SLC1A2: variants seen among roughly 807,000 people sequenced by gnomAD.
The protein encoded by SLC1A2 is excitatory amino acid transporter 2.
In SLC1A2, 15 loss-of-function variants were observed where a neutral mutation model predicts 48.8. The ratio of observed to expected loss-of-function variants is 0.31; its 90% confidence interval spans 0.21 to 0.47. The LOEUF is 0.47. Ranked by LOEUF, SLC1A2 falls within the 20% of genes least tolerant of loss-of-function variation. The pLI is 0.99. For missense variants in SLC1A2, 502 were observed against 730.5 expected, an observed-to-expected ratio of 0.69 and a Z score of 3.61; for synonymous variants, 279 against 272.6, an observed-to-expected ratio of 1.02 and a Z score of -0.23.
chr11:35,308,071 A>C (rs1434027113), intron 4 of SLC1A2, among the ~76,000 whole-genome samples: 1 of 152,232 alleles, frequency 6.6e-6, no homozygotes, highest in African/African-American at 2.4e-5. Context: ...GCCAACTGTC[A>C]ACCTATCCTA....
intron 3 of SLC1A2, 122 bp from the exon 4 acceptor site, chr11:35,312,570 T>G: frequency 3.5e-6 from 4 of 1,137,680 alleles, no homozygotes; most frequent in Non-Finnish European, 5.0e-6. Context: ...TTAAATCTCC[T>G]ACTGTAGTCT....
intron 1 of SLC1A2, among the ~76,000 whole-genome samples, chr11:35,348,252 A>T (rs1199925401): frequency 6.6e-6 from 1 of 152,194 alleles, no homozygotes; most frequent in African/African-American, 2.4e-5. Context: ...GACATGTGGA[A>T]TGCAAGAGCC....
intron 10 of SLC1A2, among the ~76,000 whole-genome samples, chr11:35,261,370 G>T (rs964195281): frequency 3.3e-5 from 5 of 152,136 alleles, no homozygotes; most frequent in African/African-American, 7.2e-5. Context: ...CATGTGAAAG[G>T]TTCAGTTGCA....
At chr11:35,350,055 AG>A (rs1853189028) in intron 1 of SLC1A2, among the ~76,000 whole-genome samples, 1 of 152,132 alleles carries the variant, frequency 6.6e-6, no homozygotes, top group South Asian at 2.1e-4. Context: ...ATGAAATGAA[AG>A]CACTGTATGA....
chr11:35,344,468 A>G (rs1242077225), intron 1 of SLC1A2, among the ~76,000 whole-genome samples: 1 of 152,218 alleles, frequency 6.6e-6, no homozygotes, highest in Non-Finnish European at 1.5e-5. Context: ...TACACAGTGC[A>G]CAGGTCAAAT....
At chr11:35,310,926 T>C (rs891301875) in intron 4 of SLC1A2, among the ~76,000 whole-genome samples, 1 of 152,188 alleles carries the variant, frequency 6.6e-6, no homozygotes, top group East Asian at 1.9e-4. Context: ...TACATACTTT[T>C]GTAGTGCCAT....
chr11:35,300,659 G>A (rs775536269), intron 6 of SLC1A2, among the ~76,000 whole-genome samples: 1 of 152,156 alleles, frequency 6.6e-6, no homozygotes, highest in Admixed American at 6.6e-5. Context: ...CCAGTCTAAG[G>A]TATTTTGTTA....
intron 6 of SLC1A2, among the ~76,000 whole-genome samples, chr11:35,300,714 GC>G (rs1446092890): frequency 6.6e-6 from 1 of 152,174 alleles, no homozygotes; most frequent in Admixed American, 6.5e-5. Flanking sequence ...ACCCCAGAGA[GC>G]TTTCTGAATC....
intron 9 of SLC1A2, among the ~76,000 whole-genome samples, chr11:35,275,573 A>G (rs2134659891): frequency 6.6e-6 from 1 of 152,334 alleles, no homozygotes; most frequent in South Asian, 2.1e-4. Context: ...GGGCTCCAGA[A>G]TCTTGGTTTT....
At chr11:35,415,776 G>C (rs554991354) in intron 1 of SLC1A2, among the ~76,000 whole-genome samples, 1 of 152,142 alleles carries the variant, frequency 6.6e-6, no homozygotes, top group Admixed American at 6.5e-5. Context: ...TTGGCTCCTG[G>C]GAGCTGATCA....
At chr11:35,285,035 A>T (rs1451380157) in intron 8 of SLC1A2, among the ~76,000 whole-genome samples, 4 of 152,216 alleles carry the variant, frequency 2.6e-5, no homozygotes, top group Admixed American at 1.3e-4. Flanking sequence ...ATAGAGATTG[A>T]CAGTGCTGCC....
At chr11:35,299,434 C>T (rs933797098) in intron 6 of SLC1A2, 1 of 151,546 alleles carries the variant, frequency 6.6e-6, no homozygotes, top group South Asian at 2.1e-4. Context: ...AATCTTCATA[C>T]AACAGAAATA....
chr11:35,306,718 T>C (rs1402073394), intron 4 of SLC1A2, among the ~76,000 whole-genome samples: 1 of 152,198 alleles, frequency 6.6e-6, no homozygotes, highest in Non-Finnish European at 1.5e-5. Context: ...GCCTCTGTTA[T>C]CTATTTTTCC....
intron 10 of SLC1A2, among the ~76,000 whole-genome samples, chr11:35,264,566 C>A (rs1466427285): frequency 6.6e-6 from 1 of 152,158 alleles, no homozygotes; most frequent in Non-Finnish European, 1.5e-5. Flanking sequence ...TAGACAGAGC[C>A]CATCAAGCTT....
chr11:35,287,686 G>A (rs540321570), intron 7 of SLC1A2, among the ~76,000 whole-genome samples: 10 of 152,312 alleles, frequency 6.6e-5, no homozygotes, highest in Admixed American at 4.6e-4. Context: ...ATGTGGATTC[G>A]TGACCACATG....
At chr11:35,301,231 T>C (rs1762134948) in intron 6 of SLC1A2, among the ~76,000 whole-genome samples, 1 of 152,132 alleles carries the variant, frequency 6.6e-6, no homozygotes, top group South Asian at 2.1e-4. Context: ...GGTATTTTGT[T>C]ATGGCAACCC....
chr11:35,301,243 A>G (rs1343156452), intron 6 of SLC1A2, among the ~76,000 whole-genome samples: 1 of 152,196 alleles, frequency 6.6e-6, no homozygotes, highest in Non-Finnish European at 1.5e-5. Flanking sequence ...TGGCAACCCA[A>G]CTAAGACAGT....
At chr11:35,274,690 T>C (rs954175029) in intron 9 of SLC1A2, among the ~76,000 whole-genome samples, 25 of 152,318 alleles carry the variant, frequency 1.6e-4, no homozygotes, top group African/African-American at 6.0e-4. Context: ...TTCAGCCAGT[T>C]AATATCCACT....
intron 3 of SLC1A2, among the ~76,000 whole-genome samples, chr11:35,314,153 A>C (rs936226206): frequency 1.3e-5 from 2 of 152,238 alleles, no homozygotes; most frequent in African/African-American, 4.8e-5. Flanking sequence ...GTCAAAGATA[A>C]TTGATGCTGG....
Sources: gnomAD v4.1 joint callset for allele counts (sites outside exome capture counted in the v4.1 genomes callset) on GRCh38, gnomAD v4.1.1 for gene constraint, MANE v1.5 for transcripts, NCBI Gene and HGNC (gene_info 2026-07-23, HGNC 2026-07-21) for gene names.